ARK2C: variants seen among roughly 807,000 people sequenced by gnomAD.
ARK2C encodes the protein arkadia (RNF111) C-terminal like ring finger ubiquitin ligase 2C.
At chr18:46,382,745 C>T in the ARK2C span, among the ~76,000 whole-genome samples, 3 of 152,152 alleles carry the variant, frequency 2.0e-5, no homozygotes, top group African/African-American at 7.2e-5. Flanking sequence ...CATGGAGTGT[C>T]CCTCTGGGTG....
At chr18:46,461,332 CCTT>C in the ARK2C span, 1 of 152,346 alleles carries the variant, frequency 6.6e-6, no homozygotes, top group Non-Finnish European at 1.5e-5. Context: ...TGCTGTCTCA[CCTT>C]CTGAGGAGAG....
the ARK2C span, among the ~76,000 whole-genome samples, chr18:46,451,027 C>T: frequency 1.3e-5 from 2 of 151,830 alleles, no homozygotes; most frequent in Admixed American, 6.6e-5. Context: ...AGAAGGAGAG[C>T]TGGGTATCCG....
chr18:46,336,082 G>C, the ARK2C span: 1 of 985,274 alleles, frequency 1.0e-6, no homozygotes, highest in Non-Finnish European at 1.2e-6. Context: ...GAAGAAAGAG[G>C]GGGGCTGGAT....
the ARK2C span, among the ~76,000 whole-genome samples, chr18:46,411,192 G>A: frequency 6.6e-6 from 1 of 152,244 alleles, no homozygotes; most frequent in Non-Finnish European, 1.5e-5. Flanking sequence ...CAGCCCCTTG[G>A]GGAAGGCAGT....
the ARK2C span, among the ~76,000 whole-genome samples, chr18:46,383,097 G>T: frequency 1.3e-5 from 2 of 152,260 alleles, no homozygotes; most frequent in African/African-American, 4.8e-5. Flanking sequence ...TGGGCCAGGA[G>T]CAGGCCAAGG....
chr18:46,406,292 G>A, the ARK2C span, among the ~76,000 whole-genome samples: 4 of 152,216 alleles, frequency 2.6e-5, no homozygotes, highest in Admixed American at 2.6e-4. Flanking sequence ...GATGCCCCGG[G>A]CAGGCGTGGG....
chr18:46,363,725 T>C, the ARK2C span, among the ~76,000 whole-genome samples: 1 of 152,110 alleles, frequency 6.6e-6, no homozygotes, highest in African/African-American at 2.4e-5. Flanking sequence ...GCTGGCCTTG[T>C]AGTCCCAGCT....
At chr18:46,337,073 C>T in the ARK2C span, 1 of 985,270 alleles carries the variant, frequency 1.0e-6, no homozygotes, top group Non-Finnish European at 1.2e-6. Flanking sequence ...CGGCTCCCTT[C>T]TGCTGCTCGC....
the ARK2C span, among the ~76,000 whole-genome samples, chr18:46,440,218 G>A: frequency 2.0e-5 from 3 of 152,234 alleles, no homozygotes; most frequent in South Asian, 2.1e-4. Context: ...GCTTTCCAGG[G>A]TTTCAGTTAC....
chr18:46,376,267 C>A, the ARK2C span, among the ~76,000 whole-genome samples: 1 of 152,228 alleles, frequency 6.6e-6, no homozygotes, highest in Non-Finnish European at 1.5e-5. Flanking sequence ...TAGTTGGGTA[C>A]TTTCTCTGTG....
the ARK2C span, among the ~76,000 whole-genome samples, chr18:46,411,001 G>A: frequency 6.6e-6 from 1 of 152,232 alleles, no homozygotes; most frequent in African/African-American, 2.4e-5. Flanking sequence ...TCCACTCTGG[G>A]GAAGTTGCTG....
At chr18:46,462,411 G>T in the ARK2C span, 1 of 152,772 alleles carries the variant, frequency 6.5e-6, no homozygotes, top group African/African-American at 2.4e-5. Flanking sequence ...GGCCCCATGG[G>T]GAAGGTGCTG....
the ARK2C span, among the ~76,000 whole-genome samples, chr18:46,436,559 C>T: frequency 1.7e-4 from 26 of 152,256 alleles, no homozygotes; most frequent in South Asian, 4.1e-4. Flanking sequence ...AGGCTTAGTC[C>T]AGGGTTGCTT....
the ARK2C span, chr18:46,334,207 C>G: frequency 6.5e-4 from 631 of 977,462 alleles, no homozygotes; most frequent in Admixed American, 1.7e-3. This position sits in a 1 kb window ranked among gnomAD's most constrained non-coding sequence, Gnocchi z 4.4. Context: ...CCCGCGCCCG[C>G]GCCCCGGAGC....
the ARK2C span, among the ~76,000 whole-genome samples, chr18:46,340,155 C>T: frequency 1.3e-5 from 2 of 152,150 alleles, no homozygotes; most frequent in East Asian, 3.8e-4. Context: ...TAAAAATTCC[C>T]GGCTTAACAT....
At chr18:46,406,279 C>T in the ARK2C span, among the ~76,000 whole-genome samples, 11,727 of 152,284 alleles carry the variant, frequency 0.077, 591 homozygotes, top group Non-Finnish European at 0.12. Context: ...TGTCACGGGA[C>T]TGGATGCCCC....
At chr18:46,364,841 G>T in the ARK2C span, among the ~76,000 whole-genome samples, 1 of 152,122 alleles carries the variant, frequency 6.6e-6, no homozygotes, top group East Asian at 1.9e-4. Context: ...CTGCTCTCTG[G>T]GCAGGAGGCT....
At chr18:46,376,846 T>C in the ARK2C span, among the ~76,000 whole-genome samples, 1 of 152,094 alleles carries the variant, frequency 6.6e-6, no homozygotes, top group Admixed American at 6.5e-5. Context: ...AATTTTTGTA[T>C]TTTTAGCAGA....
At chr18:46,371,809 G>A in the ARK2C span, among the ~76,000 whole-genome samples, 1 of 152,234 alleles carries the variant, frequency 6.6e-6, no homozygotes, top group Non-Finnish European at 1.5e-5. Context: ...TGACAAAGTG[G>A]CAGGTGGAAT....
Sources: allele counts gnomAD v4.1 joint callset (sites outside exome capture counted in the v4.1 genomes callset), GRCh38; gene constraint gnomAD v4.1.1; non-coding constraint Gnocchi (gnomAD v3.1); transcripts MANE v1.5; gene names NCBI Gene and HGNC (gene_info 2026-07-23, HGNC 2026-07-21).